CLIC5: variants seen among roughly 807,000 people sequenced by gnomAD.
CLIC5 encodes the protein CLIC family member 5, also known as chloride intracellular channel protein 5.
Under a neutral mutation model 24.7 loss-of-function variants are expected in CLIC5, and 20 were observed. The observed-to-expected ratio is 0.81, with a 90% CI of 0.57 to 1.18. The LOEUF is 1.18. Among genes scored for constraint, CLIC5 ranks in the 50% most tolerant of loss-of-function variants. CLIC5 has a pLI of 0.00. For synonymous variants in CLIC5, 159 were observed against 135.6 expected (o/e 1.17, Z -1.20); for missense variants, 341 against 326.1 (o/e 1.05, Z -0.35).
intron 4 of CLIC5, chr6:45,920,794 G>A: frequency 3.9e-6 from 1 of 257,582 alleles, no homozygotes; most frequent in Non-Finnish European, 6.1e-6. Context: ...AGGATTGGGA[G>A]GGTGAGGAAA....
At chr6:45,921,377 G>A (rs916440839) in intron 4 of CLIC5, among the ~76,000 whole-genome samples, 3 of 152,118 alleles carry the variant, frequency 2.0e-5, no homozygotes, top group South Asian at 2.1e-4. Flanking sequence ...AATCTGGGTC[G>A]AGTATGTCGG....
chr6:46,081,123 T>C (rs1361516314), upstream of CLIC5, among the ~76,000 whole-genome samples: 1 of 152,144 alleles, frequency 6.6e-6, no homozygotes, highest in Admixed American at 6.5e-5. Context: ...GGAAAAACTA[T>C]TTAAAGTTTT....
At chr6:45,888,285 T>G (rs1762322294) in intron 6 of CLIC5, among the ~76,000 whole-genome samples, 1 of 152,240 alleles carries the variant, frequency 6.6e-6, no homozygotes. Flanking sequence ...TCTTTTTACC[T>G]AATGTTGGAT....
intron 1 of CLIC5, among the ~76,000 whole-genome samples, chr6:46,055,188 C>T (rs908867949): frequency 2.0e-5 from 3 of 152,188 alleles, no homozygotes; most frequent in East Asian, 1.9e-4. Context: ...CTGAAACCTC[C>T]GCCTTCCAGG....
chr6:46,048,101 C>G (rs2021339), intron 1 of CLIC5, among the ~76,000 whole-genome samples: 86,956 of 151,288 alleles, frequency 0.57, 25,256 homozygotes, highest in Admixed American at 0.69. Context: ...ATCCCTGGTT[C>G]AAGCGATTCT....
chr6:45,959,698 C>G (rs1309505896), intron 1 of CLIC5, among the ~76,000 whole-genome samples: 1 of 152,166 alleles, frequency 6.6e-6, no homozygotes, highest in East Asian at 1.9e-4. Flanking sequence ...GTTGCTCTTT[C>G]AGGTAAAAAC....
At chr6:45,923,107 C>T (rs944417906) in intron 4 of CLIC5, among the ~76,000 whole-genome samples, 6 of 152,170 alleles carry the variant, frequency 3.9e-5, no homozygotes, top group Admixed American at 2.6e-4. Flanking sequence ...TAGAACCCAT[C>T]GTGCTAATAG....
chr6:46,129,615 C>G, the CLIC5 span: 1 of 152,410 alleles, frequency 6.6e-6, no homozygotes, highest in Admixed American at 6.5e-5. Context: ...CTTCTCCAGA[C>G]TTGTGCCGGA....
chr6:46,111,590 CT>C, the CLIC5 span, among the ~76,000 whole-genome samples: 2 of 152,122 alleles, frequency 1.3e-5, no homozygotes, highest in Non-Finnish European at 2.9e-5. Flanking sequence ...TAAATTTAGT[CT>C]TTTTTGCTTA....
rs114950824 is a variant in CLIC5 at position 45,925,188 on chromosome 6, A to G, written c.407-10779T>C. 3.1e-3 allele frequency among the ~76,000 whole-genome samples: 469 copies of G among 152,334 alleles called. 3 individuals carry two copies. Among genetic ancestry groups the G allele is most frequent in the African/African-American group, 0.01 (429 of 41,566 alleles). ...AGGGCATGGTTCATAGTAAAATGCT[A>G]TATAGGTTTTGCTAATAAAATACAT... On this transcript the variant is annotated intron_variant, in intron 4 of 5. Coordinates refer to ENST00000339561, the MANE Select transcript of CLIC5 (RefSeq NM_016929.5).
chr6:46,080,784 C>A (rs757451751), upstream of CLIC5, among the ~76,000 whole-genome samples: 5 of 152,108 alleles, frequency 3.3e-5, no homozygotes, highest in Non-Finnish European at 5.9e-5. Flanking sequence ...GAATTACATG[C>A]CCTGGTTAGG....
intron 1 of CLIC5, among the ~76,000 whole-genome samples, chr6:46,053,201 C>T (rs143709070): frequency 6.6e-6 from 1 of 152,216 alleles, no homozygotes; most frequent in Admixed American, 6.6e-5. Context: ...GCCTGATACA[C>T]ATATGCATTC....
At chr6:46,086,325 C>T in the CLIC5 span, among the ~76,000 whole-genome samples, 16 of 152,352 alleles carry the variant, frequency 1.1e-4, no homozygotes, top group South Asian at 2.1e-4. Flanking sequence ...AGAAATCACC[C>T]GTCTTCTGCG....
At chr6:45,964,927 A>T (rs1444728309) in intron 1 of CLIC5, among the ~76,000 whole-genome samples, 2 of 152,206 alleles carry the variant, frequency 1.3e-5, no homozygotes, top group Non-Finnish European at 2.9e-5. Context: ...ATATGTATAA[A>T]ACATATAGTA....
chr6:46,054,514 T>C (rs965551440), intron 1 of CLIC5, among the ~76,000 whole-genome samples: 1 of 152,216 alleles, frequency 6.6e-6, no homozygotes, highest in Non-Finnish European at 1.5e-5. Flanking sequence ...GAATGTTCCC[T>C]ATAAACGAGT....
chr6:46,040,027 C>G lies in CLIC5; in HGVS notation c.540+39676G>C, dbSNP rs141811125. ...TGTGTCTTTGATTCAGGGTCCCAAC[C>G]TCTCAGCATCCATTTTCTAATCAGT... On this transcript the variant is annotated intron_variant, in intron 1 of 5. Transcript: ENST00000185206. Among the ~76,000 whole-genome samples, 49 of 152,306 alleles carry G rather than the reference C, an allele frequency of 3.2e-4. No homozygotes were observed. In the East Asian group the frequency reaches 9.3e-3, roughly 29 times the overall value.
chr6:46,097,817 A>AT, the CLIC5 span, among the ~76,000 whole-genome samples: 299 of 151,198 alleles, frequency 2.0e-3, 1 homozygote, highest in Non-Finnish European at 3.5e-3. Flanking sequence ...TTTAATTCAT[A>AT]TTTTTTTTTG....
At chr6:46,111,913 CTT>C in the CLIC5 span, among the ~76,000 whole-genome samples, 1 of 152,096 alleles carries the variant, frequency 6.6e-6, no homozygotes, top group Non-Finnish European at 1.5e-5. Context: ...CAAGTTCTCT[CTT>C]GTCTGCCACT....
exon 1 of CLIC5, chr6:46,079,723 C>G (rs1171912544): frequency 3.2e-6 from 5 of 1,551,366 alleles, no homozygotes; most frequent in Non-Finnish European, 4.4e-6. Flanking sequence ...AGGTAAATCT[C>G]AGGGTTCATG....
Sources: allele counts gnomAD v4.1 joint callset (sites outside exome capture counted in the v4.1 genomes callset), GRCh38; gene constraint gnomAD v4.1.1; transcripts MANE v1.5; gene names NCBI Gene and HGNC (gene_info 2026-07-23, HGNC 2026-07-21).